Variants in CNBD1 observed in about 807,000 individuals in gnomAD.
The protein encoded by CNBD1 is cyclic nucleotide binding domain containing 1, also known as cyclic nucleotide-binding domain-containing protein 1.
In CNBD1, 71 loss-of-function variants were observed where a neutral mutation model predicts 54.4. The observed-to-expected ratio is 1.30, with a 90% CI of 1.08 to 1.59. The LOEUF (loss-of-function observed/expected upper bound fraction) is 1.59. Ranked by LOEUF, CNBD1 falls within the 40% of genes most tolerant of loss-of-function variation. CNBD1 has a pLI of 0.00. For missense variants in CNBD1, 659 were observed against 518.0 expected (o/e 1.27, Z -2.64); for synonymous variants, 182 against 170.7 (o/e 1.07, Z -0.51).
At chr8:87,062,745 A>T (rs1362940719) in intron 4 of CNBD1, among the ~76,000 whole-genome samples, 3 of 152,156 alleles carry the variant, frequency 2.0e-5, no homozygotes, top group African/African-American at 4.8e-5. Flanking sequence ...TGAAAAAAAA[A>T]AAATGCTTTG....
chr8:87,048,538 G>T (rs868414864), intron 4 of CNBD1, among the ~76,000 whole-genome samples: 17 of 152,138 alleles, frequency 1.1e-4, no homozygotes, highest in South Asian at 2.1e-4. Context: ...TATATGCCCA[G>T]TGCTTTTGGG....
intron 4 of CNBD1, among the ~76,000 whole-genome samples, chr8:87,138,526 C>T (rs1156576456): frequency 6.6e-6 from 1 of 152,210 alleles, no homozygotes; most frequent in African/African-American, 2.4e-5. Context: ...TGCACAAACG[C>T]AGTGGTCTTT....
At chr8:87,170,829 T>C (rs1813069772) in intron 4 of CNBD1, among the ~76,000 whole-genome samples, 1 of 152,208 alleles carries the variant, frequency 6.6e-6, no homozygotes, top group South Asian at 2.1e-4. Context: ...TATTCTTGCA[T>C]ATGTTTAACC....
intron 4 of CNBD1, among the ~76,000 whole-genome samples, chr8:87,077,630 G>C (rs1178681420): frequency 7.2e-6 from 1 of 138,650 alleles, no homozygotes; most frequent in African/African-American, 2.7e-5. Context: ...AAGTGTTCTT[G>C]TTGTTCAATT....
intron 2 of CNBD1, among the ~76,000 whole-genome samples, chr8:87,388,858 A>C (rs1811248312): frequency 2.0e-5 from 3 of 152,232 alleles, no homozygotes; most frequent in Admixed American, 6.5e-5. Context: ...TCAATAAAAT[A>C]CTGGCAAACT....
chr8:87,077,261 C>T (rs1371056092), intron 4 of CNBD1, among the ~76,000 whole-genome samples: 1 of 152,052 alleles, frequency 6.6e-6, no homozygotes, highest in Non-Finnish European at 1.5e-5. Context: ...TCTCACTGTT[C>T]TGGAGATTTA....
intron 4 of CNBD1, among the ~76,000 whole-genome samples, chr8:86,966,173 C>T (rs1808069475): frequency 6.6e-6 from 1 of 152,192 alleles, no homozygotes; most frequent in African/African-American, 2.4e-5. Flanking sequence ...TCGGGACCTC[C>T]TTGGCCTGAA....
intron 5 of CNBD1, among the ~76,000 whole-genome samples, chr8:87,228,468 C>G (rs1344644114): frequency 6.7e-6 from 1 of 148,894 alleles, no homozygotes; most frequent in African/African-American, 2.6e-5. Context: ...CACACAGGAC[C>G]CTCAGCTGCA....
intron 3 of CNBD1, among the ~76,000 whole-genome samples, chr8:86,916,979 T>C (rs949151411): frequency 6.6e-6 from 1 of 151,844 alleles, no homozygotes; most frequent in East Asian, 1.9e-4. Flanking sequence ...CTAGTGATTC[T>C]CATGCCCCAG....
chr8:87,374,494 C>T (rs1049234892), intron 10 of CNBD1, among the ~76,000 whole-genome samples: 6 of 151,710 alleles, frequency 4.0e-5, no homozygotes, highest in South Asian at 2.1e-4. Context: ...TTTCATTGCC[C>T]GTCTTTACAT....
chr8:86,964,564 C>A (rs1206089313), intron 4 of CNBD1, among the ~76,000 whole-genome samples: 1 of 152,196 alleles, frequency 6.6e-6, no homozygotes, highest in African/African-American at 2.4e-5. Flanking sequence ...CATCTGAAAA[C>A]CTGCTTGGAT....
rs965606095 is a variant in CNBD1 at position 87,382,673 on chromosome 8, A to T, written c.*46A>T. 2.1e-6 allele frequency: 3 copies of T among 1,400,988 alleles called. No homozygotes were observed. The South Asian group carries it at 3.8e-5, about 18-fold the overall frequency. The allele number at this position is 1,400,988 out of a possible 1,614,324, so 86.8% of individuals were successfully genotyped here. A position where few individuals can be genotyped will look rare whatever the true frequency, so the allele number is the denominator to read the frequency against. On this transcript the variant is annotated 3_prime_UTR_variant, in exon 11 of 11. Transcript: ENST00000518476. ...AACATTAATTAAGAAAGTATTGACT[A>T]AATAATGGAATAATTGCATTCTGGA...
At chr8:86,919,677 T>A (rs577931077) in intron 3 of CNBD1, among the ~76,000 whole-genome samples, 1 of 152,226 alleles carries the variant, frequency 6.6e-6, no homozygotes, top group African/African-American at 2.4e-5. Flanking sequence ...AGTGGCCTCC[T>A]GCTTGTTTAA....
At chr8:87,392,306 A>G (rs928896347) in intron 2 of CNBD1, among the ~76,000 whole-genome samples, 3 of 151,992 alleles carry the variant, frequency 2.0e-5, no homozygotes, top group Admixed American at 6.6e-5. Flanking sequence ...TTCTAGGTCT[A>G]TATCCAAGAG....
intron 4 of CNBD1, among the ~76,000 whole-genome samples, chr8:87,147,818 C>T (rs1314679609): frequency 6.6e-5 from 10 of 152,010 alleles, no homozygotes; most frequent in Non-Finnish European, 1.3e-4. Context: ...AGTGAATTCC[C>T]CTGCAATGAA....
At chr8:87,057,542 T>C (rs765479243) in intron 4 of CNBD1, among the ~76,000 whole-genome samples, 2 of 152,154 alleles carry the variant, frequency 1.3e-5, no homozygotes, top group Non-Finnish European at 2.9e-5. Context: ...ACATGTCATG[T>C]CCTCACATTT....
At position 87,364,456 on chromosome 8, in the gene CNBD1, A is replaced by G. The variant is rs1051117121; in HGVS notation, c.1303+10670A>G. ...AACTGTTTTACTTTTTAATTCTTTT[A>G]AATCCAATTTGTCTTTTTATTTTAT... is the stretch of plus-strand genomic sequence containing the variant. On this transcript the variant is annotated intron_variant, in intron 10 of 10. Transcript: ENST00000518476. 2.0e-5 allele frequency among the ~76,000 whole-genome samples: 3 copies of G among 151,184 alleles called. No homozygotes were observed. In the East Asian group the frequency reaches 5.8e-4, roughly 29 times the overall value.
At chr8:87,021,270 T>G (rs530177441) in intron 4 of CNBD1, among the ~76,000 whole-genome samples, 2 of 151,536 alleles carry the variant, frequency 1.3e-5, no homozygotes, top group Non-Finnish European at 2.9e-5. Context: ...ATCAATAATG[T>G]TAAATATTTT....
chr8:87,063,321 A>T (rs571180695), intron 4 of CNBD1, among the ~76,000 whole-genome samples: 1 of 152,290 alleles, frequency 6.6e-6, no homozygotes, highest in South Asian at 2.1e-4. Context: ...AAGAATTGGA[A>T]CAATATGGTC....
Sources: allele counts gnomAD v4.1 joint callset (sites outside exome capture counted in the v4.1 genomes callset), GRCh38; gene constraint gnomAD v4.1.1; transcripts MANE v1.5; gene names NCBI Gene and HGNC (gene_info 2026-07-23, HGNC 2026-07-21).